CYTH1: variants seen among roughly 807,000 people sequenced by gnomAD.
The protein encoded by CYTH1 is cytohesin-1.
Under a neutral mutation model 61.8 loss-of-function variants are expected in CYTH1, and 18 were observed. That is an observed-to-expected ratio of 0.29 (90% CI 0.20 to 0.43). The LOEUF (loss-of-function observed/expected upper bound fraction) is 0.43. Among genes scored for constraint, CYTH1 ranks in the 20% least tolerant of loss-of-function variants. CYTH1 has a pLI of 1.00. For synonymous variants in CYTH1, 174 were observed against 184.3 expected (o/e 0.94, Z 0.45); for missense variants, 336 against 510.5 (o/e 0.66, Z 3.29).
At chr17:78,754,075 G>C (rs903546840) in intron 1 of CYTH1, among the ~76,000 whole-genome samples, 2 of 152,212 alleles carry the variant, frequency 1.3e-5, no homozygotes, top group East Asian at 3.9e-4. Flanking sequence ...CAAAGTGGCC[G>C]TTGTGTGAAG....
At position 78,695,906 on chromosome 17, in the gene CYTH1, G is replaced by A. The variant is rs935799796; in HGVS notation, c.814+101C>T. On this transcript the variant is annotated intron_variant, in intron 10 of 13. Transcript: ENST00000446868. ...TAGAAGCAGCATTAACACTACCACC[G>A]GCAATTAAAAAACAAAATAACCAAA... 3.7e-5 allele frequency: 50 copies of A among 1,347,522 alleles called. No individual in the cohort carries two copies. In the Admixed American group the frequency reaches 3.8e-4, roughly 10 times the overall value. The allele number at this position is 1,347,522 out of a possible 1,614,324, so 83.5% of individuals were successfully genotyped here. A position where few individuals can be genotyped will look rare whatever the true frequency, so the allele number is the denominator to read the frequency against.
At chr17:78,752,605 GTA>G (rs1488397828) in intron 1 of CYTH1, among the ~76,000 whole-genome samples, 1 of 152,012 alleles carries the variant, frequency 6.6e-6, no homozygotes, top group Non-Finnish European at 1.5e-5. Context: ...GCTAATTTTT[GTA>G]TTTTTAGTAG....
At position 78,702,675 on chromosome 17, in the gene CYTH1, T is replaced by C; in HGVS notation, c.171-71A>G. On this transcript the variant is annotated intron_variant, in intron 3 of 13. Transcript: ENST00000446868. ...AAAGGCTTGAAAGACTAATATGATTTCCACTGATTTACACAGGTTTTTGAA... is the reference window on the plus strand; with the variant it reads ...AAAGGCTTGAAAGACTAATATGATTCCCACTGATTTACACAGGTTTTTGAA... 3 of 1,475,198 alleles carry C rather than the reference T, an allele frequency of 2.0e-6. No individual in the cohort carries two copies. In the Admixed American group the frequency reaches 5.1e-5, roughly 25 times the overall value. The allele number at this position is 1,475,198 out of a possible 1,614,324, so 91.4% of individuals were successfully genotyped here. A position where few individuals can be genotyped will look rare whatever the true frequency, so the allele number is the denominator to read the frequency against.
intron 11 of CYTH1, among the ~76,000 whole-genome samples, chr17:78,689,571 G>A (rs67655157): frequency 0.056 from 8,469 of 152,100 alleles, 456 homozygotes; most frequent in South Asian, 0.15. Flanking sequence ...TCCACCGCTC[G>A]CCTGCCACTC....
chr17:78,683,276 CCAAG>C (rs2092782621), intron 11 of CYTH1, among the ~76,000 whole-genome samples: 1 of 152,154 alleles, frequency 6.6e-6, no homozygotes, highest in South Asian at 2.1e-4. Context: ...TCTCTCTCAT[CCAAG>C]TTGCTCTTTG....
chr17:78,730,823 C>A (rs1271720228), intron 1 of CYTH1, among the ~76,000 whole-genome samples: 2 of 151,798 alleles, frequency 1.3e-5, no homozygotes, highest in African/African-American at 4.8e-5. Context: ...CGCCACCACG[C>A]CCGGCTAATT....
chr17:78,725,649 T>C (rs2093262566), intron 1 of CYTH1, among the ~76,000 whole-genome samples: 2 of 152,182 alleles, frequency 1.3e-5, no homozygotes, highest in Admixed American at 1.3e-4. Flanking sequence ...CTCTTTAACA[T>C]GGCCAGCTTC....
At chr17:78,711,314 TACACAC>T (rs71365530) in intron 1 of CYTH1, among the ~76,000 whole-genome samples, 23 of 142,490 alleles carry the variant, frequency 1.6e-4, no homozygotes, top group South Asian at 8.8e-4. Context: ...TATATATATA[TACACAC>T]ACACACACAC....
At chr17:78,732,912 C>T (rs1285649267) in intron 1 of CYTH1, among the ~76,000 whole-genome samples, 1 of 151,940 alleles carries the variant, frequency 6.6e-6, no homozygotes, top group Non-Finnish European at 1.5e-5. Context: ...CATGGTGAAA[C>T]CCTGTCTCTA....
intron 1 of CYTH1, among the ~76,000 whole-genome samples, chr17:78,715,390 G>A (rs1310499628): frequency 1.3e-5 from 2 of 152,196 alleles, no homozygotes; most frequent in Non-Finnish European, 2.9e-5. Context: ...TTCTGAAGAA[G>A]CTACTTCAGG....
chr17:78,698,528 G>T, intron 8 of CYTH1, 148 bp from the exon 9 acceptor site: 1 of 707,526 alleles, frequency 1.4e-6, no homozygotes, highest in Non-Finnish European at 2.3e-6. Flanking sequence ...GACCATTTCT[G>T]CTTTCAGGCA....
chr17:78,731,868 A>G (rs2093296828), intron 1 of CYTH1, among the ~76,000 whole-genome samples: 1 of 152,218 alleles, frequency 6.6e-6, no homozygotes. Flanking sequence ...TTGCCTTTGC[A>G]GGATTATCAA....
chr17:78,684,128 G>A (rs1054226830), intron 11 of CYTH1, among the ~76,000 whole-genome samples: 1 of 152,170 alleles, frequency 6.6e-6, no homozygotes, highest in African/African-American at 2.4e-5. Flanking sequence ...GTCACCGGGA[G>A]AACCCACTGG....
intron 1 of CYTH1, among the ~76,000 whole-genome samples, chr17:78,732,868 C>A (rs1255309435): frequency 6.6e-6 from 1 of 152,046 alleles, no homozygotes; most frequent in Admixed American, 6.6e-5. Flanking sequence ...ACAGGTAGAT[C>A]ACGAGGTCAA....
intron 9 of CYTH1, among the ~76,000 whole-genome samples, chr17:78,697,213 C>T (rs1260962356): frequency 6.6e-6 from 1 of 151,112 alleles, no homozygotes; most frequent in Non-Finnish European, 1.5e-5. Flanking sequence ...CTTCTAATCA[C>T]TGGGGCAAGC....
At chr17:78,722,331 G>C (rs1400031664) in intron 1 of CYTH1, among the ~76,000 whole-genome samples, 1 of 152,232 alleles carries the variant, frequency 6.6e-6, no homozygotes, top group Non-Finnish European at 1.5e-5. Context: ...CTCCACTGCT[G>C]TTTCGAAAGG....
chr17:78,716,518 T>C (rs1176328092), intron 1 of CYTH1, among the ~76,000 whole-genome samples: 2 of 152,188 alleles, frequency 1.3e-5, no homozygotes, highest in Non-Finnish European at 2.9e-5. Context: ...GACTGCTAAA[T>C]TACTTCTCCA....
chr17:78,742,152 A>T (rs894115762), intron 1 of CYTH1, among the ~76,000 whole-genome samples: 7 of 152,196 alleles, frequency 4.6e-5, no homozygotes, highest in African/African-American at 1.4e-4. Context: ...CCTTAGGCTA[A>T]ATTTCTCTAA....
chr17:78,733,164 G>T (rs1009414544), intron 1 of CYTH1, among the ~76,000 whole-genome samples: 1 of 149,348 alleles, frequency 6.7e-6, no homozygotes. Context: ...TGAAAATCCA[G>T]TGTCCCACTG....
Sources: allele counts gnomAD v4.1 joint callset (sites outside exome capture counted in the v4.1 genomes callset), GRCh38; gene constraint gnomAD v4.1.1; transcripts MANE v1.5; gene names NCBI Gene and HGNC (gene_info 2026-07-23, HGNC 2026-07-21).